Variants in WDR13 observed in about 807,000 individuals in gnomAD.
WDR13 encodes WD repeat domain 13.
In WDR13, 1 loss-of-function variant was observed where a neutral mutation model predicts 28.6. The observed-to-expected ratio is 0.03, with a 90% CI of 0.01 to 0.17. The LOEUF (loss-of-function observed/expected upper bound fraction) is 0.17, where lower values mean the gene tolerates loss of function less well. Among genes scored for constraint, WDR13 ranks in the 10% least tolerant of loss-of-function variants. The probability of loss-of-function intolerance (pLI) is 1.00; values close to 1 mark genes in which losing one functional copy is unlikely to be tolerated. For synonymous variants in WDR13, 201 were observed against 185.9 expected (o/e 1.08, Z -0.66); for missense variants, 264 against 469.3 (o/e 0.56, Z 4.04).
intron 8 of WDR13, 78 bp from the exon 9 acceptor site, chrX:48,604,194 G>A (rs2062206428): frequency 2.1e-5 from 19 of 922,260 alleles, no homozygotes; most frequent in Non-Finnish European, 2.9e-5. Flanking sequence ...TTAGGCACAG[G>A]GGTGGGGACA....
chrX:48,598,311 C>T (rs2062157092), intron 2 of WDR13: 2 of 1,048,978 alleles, frequency 1.9e-6, no homozygotes, highest in Admixed American at 4.7e-5. Context: ...GACATCCTAT[C>T]CCCTATGGGT....
chrX:48,602,700 T>G (rs1021488493), intron 8 of WDR13, among the ~76,000 whole-genome samples: 18 of 110,052 alleles, frequency 1.6e-4, no homozygotes, highest in Admixed American at 1.6e-3. Flanking sequence ...TTTCAGAAGC[T>G]TTGGGATGGG....
rs1556996183 is a variant in WDR13 at position 48,607,320 on chromosome X, A to G, written c.*2288A>G. The stretch of plus-strand genomic sequence containing the variant: ...AAATGTTGCTGACCAAGGAAGCTCA[A>G]TTAGAGACTCAGCACCCAGAGGTTT... On this transcript the variant is annotated 3_prime_UTR_variant, in exon 10 of 10. Transcript: ENST00000376729. 1 of 95,263 alleles carries G rather than the reference A, an allele frequency of 1.0e-5. No individual in the cohort carries two copies. Among genetic ancestry groups the G allele is most frequent in the African/African-American group, 4.0e-5 (1 of 24,695 alleles). The allele number at this position is 95,263 out of a possible 1,213,427, so 7.9% of individuals were successfully genotyped here. A position where few individuals can be genotyped will look rare whatever the true frequency, so the allele number is the denominator to read the frequency against.
In WDR13 at chrX:48,607,897, T is replaced by C. The variant is rs1391901767; in HGVS notation, c.*2865T>C. ...AATTCTCCTGCCTCAGCTTCCTGAATAGCTGGGACTACAGGCGCCTGCCAC... is the reference window on the plus strand; with the variant it reads ...AATTCTCCTGCCTCAGCTTCCTGAACAGCTGGGACTACAGGCGCCTGCCAC... On this transcript the variant is annotated 3_prime_UTR_variant, in exon 10 of 10. Coordinates refer to ENST00000376729, the MANE Select transcript of WDR13 (RefSeq NM_001347217.2). 1.8e-5 allele frequency: 2 copies of C among 108,223 alleles called. No individual in the cohort carries two copies. Among genetic ancestry groups the C allele is most frequent in the Non-Finnish European group, 3.8e-5 (2 of 52,281 alleles). The allele number at this position is 108,223 out of a possible 1,213,427, so 8.9% of individuals were successfully genotyped here. A position where few individuals can be genotyped will look rare whatever the true frequency, so the allele number is the denominator to read the frequency against.
intron 8 of WDR13, among the ~76,000 whole-genome samples, chrX:48,603,068 T>C (rs2062198438): frequency 9.0e-6 from 1 of 111,602 alleles, no homozygotes; most frequent in Non-Finnish European, 1.9e-5. Flanking sequence ...CAGATTGGAG[T>C]GCAGTGGCAT....
At position 48,605,102 on chromosome X, in the gene WDR13, T is replaced by C; in HGVS notation, c.*70T>C. On this transcript the variant is annotated 3_prime_UTR_variant, in exon 10 of 10. Transcript: ENST00000376729. Reference sequence around the variant, plus strand: ...TCCAGCCTCGTGTTGTAAATAAAGTTTCGGTGGTCATGCTGAGGGCCGGCT... The same window carrying C: ...TCCAGCCTCGTGTTGTAAATAAAGTCTCGGTGGTCATGCTGAGGGCCGGCT... 1.8e-6 allele frequency: 2 copies of C among 1,125,163 alleles called. No homozygotes were observed. Among genetic ancestry groups the C allele is most frequent in the Non-Finnish European group, 2.4e-6 (2 of 843,620 alleles). The allele number at this position is 1,125,163 out of a possible 1,213,427, so 92.7% of individuals were successfully genotyped here.
At position 48,597,980 on chromosome X, in the gene WDR13, G is replaced by A. The variant is rs1556993117; in HGVS notation, c.-17G>A. 1.7e-6 allele frequency: 2 copies of A among 1,165,794 alleles called. No homozygotes were observed. Among genetic ancestry groups the A allele is most frequent in the East Asian group, 6.5e-5 (2 of 30,542 alleles). On this transcript the variant is annotated 5_prime_UTR_variant, in exon 2 of 10. Transcript: ENST00000376729. ...CAGGCTGCCGCGGGCGGACACGCCA[G>A]AGGAGGAGGCCGGGGAATGGCCGCG... is the stretch of plus-strand genomic sequence containing the variant.
At chrX:48,603,419 G>A (rs1229345959) in intron 8 of WDR13, among the ~76,000 whole-genome samples, 14 of 111,904 alleles carry the variant, frequency 1.3e-4, no homozygotes, top group South Asian at 3.7e-4. Flanking sequence ...AGGCCAAGGC[G>A]GGTGGATCAC....
At chrX:48,597,823 G>A in intron 1 of WDR13, 135 bp from the exon 2 acceptor site, 2 of 849,107 alleles carry the variant, frequency 2.4e-6, no homozygotes, top group Non-Finnish European at 3.2e-6. Flanking sequence ...GATGACCATG[G>A]TAACACCCGG....
rs1224325446 is a variant in WDR13, at chrX:48,606,849, C to G, written c.*1817C>G. 2 of 112,036 alleles carry G rather than the reference C, an allele frequency of 1.8e-5. No individual in the cohort carries two copies. The highest frequency in any genetic ancestry group is 3.8e-5 in the Non-Finnish European group (2 of 53,182). 9.2% of individuals were successfully genotyped at this position (112,036 alleles called of 1,213,427 possible). A position where few individuals can be genotyped will look rare whatever the true frequency, so the allele number is the denominator to read the frequency against. On this transcript the variant is annotated 3_prime_UTR_variant, in exon 10 of 10. Transcript: ENST00000376729. The stretch of plus-strand genomic sequence containing the variant: ...GGCCCAGCATTGCTGAGCTGCTGAA[C>G]TCGCACCAACAGTCTTGTTGGAGGG...
At chrX:48,602,233 A>G (rs1556994889) in intron 8 of WDR13, 27 bp downstream of exon 8, 8 of 1,193,077 alleles carry the variant, frequency 6.7e-6, no homozygotes, top group Non-Finnish European at 7.9e-6. Flanking sequence ...GGCCTCCTGG[A>G]GACGGAGGAC....
rs1556996217 is a variant in WDR13, at chrX:48,607,383, G to GGGGC, written c.*2354_*2355insCGGG. On this transcript the variant is annotated 3_prime_UTR_variant, in exon 10 of 10. Coordinates refer to ENST00000376729, the MANE Select transcript of WDR13 (RefSeq NM_001347217.2). Reference sequence around the variant, plus strand: ...TTGTTGTTTTGGTTTTTTTTTGGCGGGGGGGGGGGGGTCTTGCTCTGACGC... The same window carrying GGGGC: ...TTGTTGTTTTGGTTTTTTTTTGGCGGGGGCGGGGGGGGGGGTCTTGCTCTGACGC... 1.6e-5 allele frequency: 1 copy of GGGGC among 62,023 alleles called. No individual in the cohort carries two copies. Among genetic ancestry groups the GGGGC allele is most frequent in the African/African-American group, 5.1e-5 (1 of 19,610 alleles). 5.1% of individuals were successfully genotyped at this position (62,023 alleles called of 1,213,427 possible).
Position 48,605,316 on chromosome X carries a change from A to G in WDR13, c.*284A>G. ...TTTTACACACTTATGCATTCGATAG[A>G]CATTAGTGAGCCCTGACCGTGTGCC... On this transcript the variant is annotated 3_prime_UTR_variant, in exon 10 of 10. Transcript: ENST00000376729. 1 of 339,573 alleles carries G rather than the reference A, an allele frequency of 2.9e-6. No individual in the cohort carries two copies. Among genetic ancestry groups the G allele is most frequent in the South Asian group, 5.5e-5 (1 of 18,142 alleles). 28.0% of individuals were successfully genotyped at this position (339,573 alleles called of 1,213,427 possible). A position where few individuals can be genotyped will look rare whatever the true frequency, so the allele number is the denominator to read the frequency against.
At chrX:48,604,752 C>T (rs1204647456) in intron 9 of WDR13, 96 bp from the exon 10 acceptor site, 7 of 1,001,223 alleles carry the variant, frequency 7.0e-6, no homozygotes, top group Admixed American at 3.0e-5. Flanking sequence ...CCTCACACCT[C>T]GGACATACAC....
At chrX:48,604,093 C>G in intron 8 of WDR13, 179 bp from the exon 9 acceptor site, 1 of 413,975 alleles carries the variant, frequency 2.4e-6, no homozygotes, top group Non-Finnish European at 4.2e-6. Context: ...GAGCCGTGAT[C>G]GCACCACTAC....
At chrX:48,598,473 A>C in intron 2 of WDR13, 1 of 1,029,589 alleles carries the variant, frequency 9.7e-7, no homozygotes, top group Non-Finnish European at 1.2e-6. Flanking sequence ...CCCCGTAGGG[A>C]CCCCAGCACG....
In WDR13 at chrX:48,601,969, G is replaced by A. The variant is rs782711601; in HGVS notation, c.1012+5G>A. 10 of 1,189,220 alleles carry A rather than the reference G, an allele frequency of 8.4e-6. No individual in the cohort carries two copies. The Admixed American group carries it at 1.6e-4, about 19-fold the overall frequency. On this transcript the variant is annotated splice_donor_5th_base_variant and intron_variant, in intron 7 of 9. Coordinates refer to ENST00000376729, the MANE Select transcript of WDR13 (RefSeq NM_001347217.2). The stretch of plus-strand genomic sequence containing the variant: ...TCCTCTTTGATATGGCCACAGGTAG[G>A]CAGACAGCAGGCCTGCATCTGGGTG...
At position 48,605,220 on chromosome X, in the gene WDR13, GCAT is replaced by G. The variant is rs2062215185; in HGVS notation, c.*190_*192del. ...TTCATTGACTCATTTGTGCATTCAT[GCAT>G]CGACGGATTCATTCATTCCACAAGC... On this transcript the variant is annotated 3_prime_UTR_variant, in exon 10 of 10. Transcript: ENST00000376729. 2.1e-6 allele frequency: 1 copy of G among 469,429 alleles called. No homozygotes were observed. The highest frequency in any genetic ancestry group is 2.4e-5 in the African/African-American group (1 of 41,756). The allele number at this position is 469,429 out of a possible 1,213,427, so 38.7% of individuals were successfully genotyped here.
At position 48,598,105 on chromosome X, in the gene WDR13, A is replaced by C. The variant is rs887273411; in HGVS notation, c.41+68A>C. ...GGTGCATGCGCAATGGCGATAAGTG[A>C]GGCTGGGCGGAGAACTTGCCTTATG... On this transcript the variant is annotated intron_variant, in intron 2 of 9. Transcript: ENST00000376729. 1.5e-5 allele frequency: 17 copies of C among 1,155,167 alleles called. No individual in the cohort carries two copies. In the African/African-American group the frequency reaches 1.8e-4, roughly 12 times the overall value.
Sources: allele counts gnomAD v4.1 joint callset (sites outside exome capture counted in the v4.1 genomes callset), GRCh38; gene constraint gnomAD v4.1.1; transcripts MANE v1.5; gene names NCBI Gene and HGNC (gene_info 2026-07-23, HGNC 2026-07-21).